Variants in GRIK1 observed in about 807,000 individuals in gnomAD.
The protein encoded by GRIK1 is glutamate receptor ionotropic, kainate 1.
Under a neutral mutation model 105.7 loss-of-function variants are expected in GRIK1, and 69 were observed. The observed-to-expected ratio is 0.65, with a 90% CI of 0.54 to 0.80. The LOEUF (loss-of-function observed/expected upper bound fraction) is 0.80. Ranked by LOEUF, GRIK1 falls within the 30% of genes least tolerant of loss-of-function variation. The pLI is 0.00. For missense variants in GRIK1, 1,109 were observed against 1,167.3 expected, an observed-to-expected ratio of 0.95 and a Z score of 0.73; for synonymous variants, 438 against 431.3, an observed-to-expected ratio of 1.02 and a Z score of -0.19.
chr21:29,903,724 C>T (rs1037215499), intron 1 of GRIK1, among the ~76,000 whole-genome samples: 14 of 152,138 alleles, frequency 9.2e-5, no homozygotes, highest in South Asian at 2.1e-4. Flanking sequence ...AACAGTGTGG[C>T]GATCATCTAG....
intron 1 of GRIK1, among the ~76,000 whole-genome samples, chr21:29,897,863 C>T (rs1280247624): frequency 6.6e-6 from 1 of 152,164 alleles, no homozygotes; most frequent in African/African-American, 2.4e-5. Flanking sequence ...TAAAACAAGA[C>T]TGACAAAGTC....
In GRIK1 at chr21:29,537,067, TA is replaced by T; in HGVS notation, c.*162del. On this transcript the variant is annotated 3_prime_UTR_variant, in exon 18 of 18. Coordinates refer to ENST00000327783, the MANE Select transcript of GRIK1 (RefSeq NM_001330994.2). ...AGAACTGGTGTCACTTCCCAAGTCATATCTATGTGAGCTTTTTAAACTTTTG... is the reference window on the plus strand; with the variant it reads ...AGAACTGGTGTCACTTCCCAAGTCATTCTATGTGAGCTTTTTAAACTTTTG... The T allele has an allele frequency of 2.4e-6, 1 of 410,884 alleles. No homozygotes were observed. Among genetic ancestry groups the T allele is most frequent in the Non-Finnish European group, 4.3e-6 (1 of 231,348 alleles). 25.5% of individuals were successfully genotyped at this position (410,884 alleles called of 1,614,324 possible).
intron 1 of GRIK1, among the ~76,000 whole-genome samples, chr21:29,820,807 C>T (rs1420527182): frequency 2.6e-5 from 4 of 152,126 alleles, no homozygotes; most frequent in African/African-American, 9.6e-5. Context: ...TATTACTAGG[C>T]AATCAGGATT....
chr21:29,691,884 G>C (rs186789644), intron 2 of GRIK1, among the ~76,000 whole-genome samples: 1 of 152,292 alleles, frequency 6.6e-6, no homozygotes, highest in African/African-American at 2.4e-5. Flanking sequence ...CTTTGGTAGT[G>C]AACTACTGCA....
intron 1 of GRIK1, among the ~76,000 whole-genome samples, chr21:29,703,586 G>A (rs950852284): frequency 3.3e-5 from 5 of 152,164 alleles, no homozygotes; most frequent in African/African-American, 1.2e-4. Context: ...TCCTCACTCA[G>A]CTTTCGTATT....
At chr21:29,784,332 T>G (rs1188438744) in intron 1 of GRIK1, among the ~76,000 whole-genome samples, 3 of 152,232 alleles carry the variant, frequency 2.0e-5, no homozygotes, top group Non-Finnish European at 4.4e-5. Flanking sequence ...GTGTGATTAC[T>G]GGGTCAAAGG....
chr21:29,789,281 C>T (rs1003208083), intron 1 of GRIK1, among the ~76,000 whole-genome samples: 19 of 152,166 alleles, frequency 1.2e-4, no homozygotes, highest in Non-Finnish European at 7.3e-5. Flanking sequence ...GTCTCATACA[C>T]GATTAGCTGA....
intron 1 of GRIK1, among the ~76,000 whole-genome samples, chr21:29,711,812 A>C (rs1488524001): frequency 6.6e-6 from 1 of 152,086 alleles, no homozygotes; most frequent in Non-Finnish European, 1.5e-5. Context: ...AGTTAGACGT[A>C]TTTTTAAACT....
At chr21:29,626,975 A>T (rs2062146213) in intron 7 of GRIK1, among the ~76,000 whole-genome samples, 1 of 152,184 alleles carries the variant, frequency 6.6e-6, no homozygotes, top group Admixed American at 6.5e-5. Flanking sequence ...TCCAACACTT[A>T]CTACACAAAT....
At chr21:29,802,527 C>A (rs1342613070) in intron 1 of GRIK1, among the ~76,000 whole-genome samples, 1 of 152,058 alleles carries the variant, frequency 6.6e-6, no homozygotes, top group Non-Finnish European at 1.5e-5. Context: ...AAATGAAAAT[C>A]TTTTTGTCTG....
chr21:29,618,275 G>A (rs900468877), intron 7 of GRIK1, among the ~76,000 whole-genome samples: 1 of 152,196 alleles, frequency 6.6e-6, no homozygotes, highest in African/African-American at 2.4e-5. Flanking sequence ...CAGGGCATTC[G>A]GGCTTCATGA....
rs546347824 is a variant in GRIK1 at position 29,898,458 on chromosome 21, AG to A, written c.118+40924del. ...TAGTTCAGCCCTAATGCATCCAGTAAGTCATGCCAGAGACACTGACTAATAA... is the reference window on the plus strand; with the variant it reads ...TAGTTCAGCCCTAATGCATCCAGTAATCATGCCAGAGACACTGACTAATAA... On this transcript the variant is annotated intron_variant, in intron 1 of 17. Transcript: ENST00000327783. 3.0e-3 allele frequency among the ~76,000 whole-genome samples: 452 copies of A among 152,326 alleles called. 4 individuals carry two copies. The highest frequency in any genetic ancestry group is 0.011 in the African/African-American group (438 of 41,574).
intron 1 of GRIK1, among the ~76,000 whole-genome samples, chr21:29,732,201 G>A (rs1431708379): frequency 2.0e-5 from 3 of 152,246 alleles, no homozygotes; most frequent in East Asian, 3.9e-4. Context: ...TCTGCATCCT[G>A]GGAAAGTTTC....
chr21:29,560,347 CTTTCTTT>C, intron 15 of GRIK1, among the ~76,000 whole-genome samples: 1 of 98,018 alleles, frequency 1.0e-5, no homozygotes, highest in East Asian at 2.7e-4. Flanking sequence ...TTCTTTCTTT[CTTTCTTT>C]CTTTTTCTTT....
chr21:29,663,071 A>G (rs577808097), intron 4 of GRIK1, among the ~76,000 whole-genome samples: 1 of 152,202 alleles, frequency 6.6e-6, no homozygotes. Flanking sequence ...ATTGACATTT[A>G]ATTGGAGAGG....
At chr21:29,641,505 C>T (rs1294230857) in intron 7 of GRIK1, among the ~76,000 whole-genome samples, 1 of 152,132 alleles carries the variant, frequency 6.6e-6, no homozygotes, top group Non-Finnish European at 1.5e-5. Flanking sequence ...ATGTCTTTAT[C>T]AGCAGCATGA....
intron 1 of GRIK1, among the ~76,000 whole-genome samples, chr21:29,899,217 G>T (rs2070295691): frequency 6.6e-6 from 1 of 152,178 alleles, no homozygotes; most frequent in African/African-American, 2.4e-5. Flanking sequence ...TTTGTGATTA[G>T]GTCTGAGGTC....
intron 8 of GRIK1, chr21:29,597,543 G>A: frequency 3.3e-6 from 1 of 304,290 alleles, no homozygotes; most frequent in African/African-American, 2.2e-5. Flanking sequence ...ATCATAACAA[G>A]TATTTTTTTT....
At chr21:29,576,896 C>A in intron 14 of GRIK1, 68 bp downstream of exon 14, 4 of 685,686 alleles carry the variant, frequency 5.8e-6, no homozygotes, top group Middle Eastern at 2.7e-4. Flanking sequence ...TTTTTTTTTT[C>A]GACAGATTCT....
Sources: gnomAD v4.1 joint callset for allele counts (sites outside exome capture counted in the v4.1 genomes callset) on GRCh38, gnomAD v4.1.1 for gene constraint, MANE v1.5 for transcripts, NCBI Gene and HGNC (gene_info 2026-07-23, HGNC 2026-07-21) for gene names.